Variants in NRXN3 observed in about 807,000 individuals in gnomAD.
NRXN3 encodes neurexin 3.
In NRXN3, 32 loss-of-function variants were observed where a neutral mutation model predicts 137.6. The ratio of observed to expected loss-of-function variants is 0.23; its 90% CI spans 0.18 to 0.31. The LOEUF (loss-of-function observed/expected upper bound fraction) is 0.31, where lower values mean the gene tolerates loss of function less well. Ranked by LOEUF, NRXN3 falls within the 10% of genes least tolerant of loss-of-function variation. NRXN3 has a pLI of 1.00. For synonymous variants in NRXN3, 798 were observed against 784.5 expected (o/e 1.02, Z -0.29); for missense variants, 1,574 against 2,062.5 (o/e 0.76, Z 4.59).
intron 16 of NRXN3, among the ~76,000 whole-genome samples, chr14:79,659,830 A>C (rs1371353023): frequency 2.6e-5 from 4 of 152,178 alleles, no homozygotes; most frequent in African/African-American, 4.8e-5. Flanking sequence ...GCTAGGCTAA[A>C]ACCCACATTT....
At chr14:79,853,653 G>A in intron 20 of NRXN3, 1 of 1,322,884 alleles carries the variant, frequency 7.6e-7, no homozygotes, top group Non-Finnish European at 9.9e-7. Flanking sequence ...TCATAGATAT[G>A]ACCCTCCCCT....
intron 20 of NRXN3, among the ~76,000 whole-genome samples, chr14:79,826,337 T>C (rs2099301104): frequency 1.3e-5 from 2 of 152,140 alleles, no homozygotes; most frequent in African/African-American, 4.8e-5. Flanking sequence ...AACTTTATAG[T>C]TGGAGAAAAG....
chr14:79,608,895 C>T (rs1248318740), intron 16 of NRXN3, among the ~76,000 whole-genome samples: 1 of 151,876 alleles, frequency 6.6e-6, no homozygotes, highest in Non-Finnish European at 1.5e-5. Context: ...AGGCCTTAAA[C>T]TTCAAGACCC....
chr14:78,869,638 C>T (rs542405314), intron 10 of NRXN3, among the ~76,000 whole-genome samples: 1 of 152,244 alleles, frequency 6.6e-6, no homozygotes, highest in East Asian at 1.9e-4. Context: ...TTTTCATATT[C>T]ATCTCCAACA....
intron 10 of NRXN3, among the ~76,000 whole-genome samples, chr14:78,823,649 A>G (rs1375785358): frequency 6.6e-6 from 1 of 152,242 alleles, no homozygotes; most frequent in Non-Finnish European, 1.5e-5. Context: ...GCTGGGAAGC[A>G]TAGCCTCTGG....
chr14:79,264,292 T>C (rs1349986262), intron 15 of NRXN3, among the ~76,000 whole-genome samples: 1 of 152,118 alleles, frequency 6.6e-6, no homozygotes, highest in Admixed American at 6.5e-5. Flanking sequence ...TTTCACCATG[T>C]TGGCCAAGCT....
chr14:78,349,962 C>T (rs2153592182), intron 4 of NRXN3, among the ~76,000 whole-genome samples: 1 of 152,274 alleles, frequency 6.6e-6, no homozygotes, highest in Middle Eastern at 3.4e-3. Context: ...AGGGAGAAGG[C>T]AGTTAGAGAG....
chr14:78,575,329 G>T (rs556430354), intron 4 of NRXN3, among the ~76,000 whole-genome samples: 24 of 152,214 alleles, frequency 1.6e-4, no homozygotes, highest in Non-Finnish European at 2.9e-4. Flanking sequence ...GAAAGTGAGT[G>T]TAGTTGCAGG....
chr14:78,794,409 C>T (rs757477779), intron 8 of NRXN3, among the ~76,000 whole-genome samples: 3 of 152,118 alleles, frequency 2.0e-5, no homozygotes, highest in Non-Finnish European at 4.4e-5. Context: ...AAAACAGAAA[C>T]AAATAATAAC....
chr14:79,417,354 C>T (rs1403812056), intron 15 of NRXN3, among the ~76,000 whole-genome samples: 1 of 152,060 alleles, frequency 6.6e-6, no homozygotes, highest in Non-Finnish European at 1.5e-5. Context: ...CTTCATTGTA[C>T]TCTTAAGATG....
chr14:79,292,624 G>T (rs2153461841), intron 15 of NRXN3, among the ~76,000 whole-genome samples: 1 of 152,280 alleles, frequency 6.6e-6, no homozygotes, highest in South Asian at 2.1e-4. Context: ...AGATCACCTT[G>T]AATCTACTTT....
intron 4 of NRXN3, among the ~76,000 whole-genome samples, chr14:78,547,698 G>T (rs2096649893): frequency 6.6e-6 from 1 of 151,442 alleles, no homozygotes; most frequent in Admixed American, 6.6e-5. Flanking sequence ...TTTTGGGGGA[G>T]ATGTATTTAT....
At chr14:79,818,918 A>G (rs2099261848) in intron 20 of NRXN3, among the ~76,000 whole-genome samples, 1 of 152,156 alleles carries the variant, frequency 6.6e-6, no homozygotes, top group South Asian at 2.1e-4. Context: ...ATCAGTCTCA[A>G]CCCATCCCGA....
chr14:78,880,204 C>T (rs2099124953), intron 10 of NRXN3, among the ~76,000 whole-genome samples: 1 of 135,702 alleles, frequency 7.4e-6, no homozygotes, highest in East Asian at 2.2e-4. Context: ...CCCGCCACTG[C>T]ACTCCAGCCT....
intron 4 of NRXN3, among the ~76,000 whole-genome samples, chr14:78,592,332 G>A (rs1164030200): frequency 6.6e-6 from 1 of 152,100 alleles, no homozygotes; most frequent in East Asian, 1.9e-4. Flanking sequence ...CAAAAGAAGA[G>A]GCCCTTAGAG....
At chr14:79,084,413 G>A (rs934770850) in intron 15 of NRXN3, among the ~76,000 whole-genome samples, 2 of 151,972 alleles carry the variant, frequency 1.3e-5, no homozygotes, top group Non-Finnish European at 2.9e-5. Flanking sequence ...TAATATGTTG[G>A]ACTATGTCTA....
At chr14:79,859,217 C>A (rs530283477) in intron 20 of NRXN3, among the ~76,000 whole-genome samples, 1 of 152,012 alleles carries the variant, frequency 6.6e-6, no homozygotes, top group Non-Finnish European at 1.5e-5. Context: ...TTCTGTTGTC[C>A]CTTCCCTTCT....
At chr14:79,350,529 T>C (rs1273257119) in intron 15 of NRXN3, among the ~76,000 whole-genome samples, 1 of 152,178 alleles carries the variant, frequency 6.6e-6, no homozygotes, top group Admixed American at 6.5e-5. Flanking sequence ...CCATAAACTC[T>C]CTCTTCTGCA....
intron 15 of NRXN3, among the ~76,000 whole-genome samples, chr14:79,406,103 G>A (rs1394787747): frequency 6.6e-6 from 1 of 151,960 alleles, no homozygotes; most frequent in African/African-American, 2.4e-5. Context: ...TCTTCCCATA[G>A]CACTATCTTT....
Sources: allele counts gnomAD v4.1 joint callset (sites outside exome capture counted in the v4.1 genomes callset), GRCh38; gene constraint gnomAD v4.1.1; transcripts MANE v1.5; gene names NCBI Gene and HGNC (gene_info 2026-07-23, HGNC 2026-07-21).